LRP1B: variants seen among roughly 807,000 people sequenced by gnomAD.
The protein encoded by LRP1B is LDL receptor related protein 1B.
In LRP1B, 217 loss-of-function variants were observed where a neutral mutation model predicts 556.6. The observed-to-expected ratio is 0.39, with a 90% CI of 0.35 to 0.44. LRP1B has a LOEUF of 0.44. Ranked by LOEUF, LRP1B falls within the 20% of genes least tolerant of loss-of-function variation. The probability of loss-of-function intolerance (pLI) is 1.00; values close to 1 mark genes in which losing one functional copy is unlikely to be tolerated. For synonymous variants in LRP1B, 2,047 were observed against 1,865.8 expected (o/e 1.10, Z -2.50); for missense variants, 5,053 against 5,620.8 (o/e 0.90, Z 3.23).
intron 82 of LRP1B, among the ~76,000 whole-genome samples, chr2:140,318,136 G>A (rs929838759): frequency 6.6e-6 from 1 of 151,854 alleles, no homozygotes; most frequent in Non-Finnish European, 1.5e-5. Context: ...TAATTATAAA[G>A]AAATGAAAAG....
chr2:141,435,664 G>A (rs1680737523), intron 3 of LRP1B, among the ~76,000 whole-genome samples: 1 of 152,194 alleles, frequency 6.6e-6, no homozygotes, highest in African/African-American at 2.4e-5. Context: ...TGGATACAGG[G>A]TGGGTAGCTT....
intron 32 of LRP1B, among the ~76,000 whole-genome samples, chr2:140,791,655 T>C (rs1690124541): frequency 6.6e-6 from 1 of 152,180 alleles, no homozygotes; most frequent in Non-Finnish European, 1.5e-5. Flanking sequence ...CTTCTAGCCA[T>C]TTCCAAAGGG....
chr2:141,058,998 A>G lies in LRP1B; in HGVS notation c.1293T>C (p.Ser431=). ...TTATCCTTACGATATTGTAGTTATC[A>G]GAATTGGTTGCATACAAATAATCTT... The part of the protein sequence containing the change: ...VFEDYLYATN[S]DNYNIVRINR... The change falls in exon 9 of 91, where the codon TCT becomes TCC. Residue 431 remains serine (S), a synonymous_variant. Transcript: ENST00000389484. 1 of 1,592,934 alleles carries G rather than the reference A, an allele frequency of 6.3e-7. No homozygotes were observed. Among genetic ancestry groups the G allele is most frequent in the Non-Finnish European group, 8.6e-7 (1 of 1,168,444 alleles).
chr2:140,460,090 A>C (rs947316179), intron 60 of LRP1B, among the ~76,000 whole-genome samples: 1 of 152,154 alleles, frequency 6.6e-6, no homozygotes, highest in Non-Finnish European at 1.5e-5. Context: ...CATTTTGCAG[A>C]TGAGGAAACT....
chr2:141,902,055 A>G lies in LRP1B; in HGVS notation c.83-91654T>C, dbSNP rs181840460. On this transcript the variant is annotated intron_variant, in intron 1 of 90. Coordinates refer to ENST00000389484, the MANE Select transcript of LRP1B (RefSeq NM_018557.3). ...TTATTTTTAGTGATAATCATGAAAA[A>G]AGAAATAACAAAAAATTATAGTTAA... 5.8e-3 allele frequency among the ~76,000 whole-genome samples: 406 copies of G among 70,300 alleles called. 1 individual carries two copies. The highest frequency in any genetic ancestry group is 0.01 in the Middle Eastern group (1 of 98). The allele number at this position is 70,300 out of a possible 152,430, so 46.1% of individuals were successfully genotyped here.
intron 1 of LRP1B, among the ~76,000 whole-genome samples, chr2:142,055,039 C>A (rs1309468154): frequency 6.6e-6 from 1 of 152,034 alleles, no homozygotes. Context: ...CCGTCTTTGC[C>A]TCACCAAATA....
At chr2:140,791,121 G>C (rs12691573) in intron 32 of LRP1B, among the ~76,000 whole-genome samples, 39,227 of 151,754 alleles carry the variant, frequency 0.26, 5,375 homozygotes, top group South Asian at 0.33. Context: ...TGGCATAGTG[G>C]TGCACGCCTG....
chr2:141,402,877 A>AT (rs1690497467), intron 3 of LRP1B, among the ~76,000 whole-genome samples: 2 of 152,064 alleles, frequency 1.3e-5, no homozygotes. Flanking sequence ...GAAAAGATGA[A>AT]TTTTTATGAC....
intron 59 of LRP1B, among the ~76,000 whole-genome samples, chr2:140,477,580 A>C (rs570698580): frequency 3.3e-5 from 5 of 152,262 alleles, no homozygotes; most frequent in Non-Finnish European, 4.4e-5. Context: ...AAAAGCATTG[A>C]AAATTATTAG....
chr2:141,124,407 C>T (rs892207863), intron 7 of LRP1B, among the ~76,000 whole-genome samples: 6 of 152,052 alleles, frequency 3.9e-5, no homozygotes, highest in African/African-American at 1.2e-4. Flanking sequence ...TATGTTCTTG[C>T]TCTTTCATTT....
At chr2:142,062,134 C>T (rs1363280625) in intron 1 of LRP1B, among the ~76,000 whole-genome samples, 1 of 151,940 alleles carries the variant, frequency 6.6e-6, no homozygotes, top group Non-Finnish European at 1.5e-5. Context: ...ACCTTGGGCA[C>T]ACTTCAATGC....
intron 41 of LRP1B, among the ~76,000 whole-genome samples, chr2:140,673,068 T>A (rs929368194): frequency 2.6e-5 from 4 of 152,182 alleles, no homozygotes; most frequent in African/African-American, 9.6e-5. Context: ...GATTGAGAAT[T>A]TCCCAAATAA....
At chr2:140,541,676 A>G (rs1297608961) in intron 44 of LRP1B, 103 bp downstream of exon 44, 2 of 948,642 alleles carry the variant, frequency 2.1e-6, no homozygotes, top group African/African-American at 1.7e-5. Flanking sequence ...AATATTTTTT[A>G]AAAGAAAAAG....
At chr2:141,212,803 A>G (rs1682623814) in intron 6 of LRP1B, among the ~76,000 whole-genome samples, 1 of 152,188 alleles carries the variant, frequency 6.6e-6, no homozygotes, top group African/African-American at 2.4e-5. Flanking sequence ...TCATCATTTA[A>G]TGTAATTGAT....
intron 43 of LRP1B, among the ~76,000 whole-genome samples, chr2:140,598,106 T>C (rs1210159574): frequency 3.3e-5 from 5 of 152,152 alleles, no homozygotes; most frequent in Non-Finnish European, 5.9e-5. Flanking sequence ...TCTCAAGGGA[T>C]AGCATAGCAA....
At chr2:141,283,933 CTTT>C (rs906646248) in intron 3 of LRP1B, among the ~76,000 whole-genome samples, 2 of 151,984 alleles carry the variant, frequency 1.3e-5, no homozygotes, top group Admixed American at 6.6e-5. Context: ...ATTATCTGAG[CTTT>C]TGCTGTTTGC....
At chr2:142,050,908 CAAAT>C (rs1270850208) in intron 1 of LRP1B, among the ~76,000 whole-genome samples, 4 of 151,764 alleles carry the variant, frequency 2.6e-5, no homozygotes, top group African/African-American at 9.7e-5. Context: ...GTCTACCAGA[CAAAT>C]AAATATGTGA....
intron 20 of LRP1B, among the ~76,000 whole-genome samples, chr2:140,931,362 A>C (rs1695044224): frequency 6.6e-6 from 1 of 152,072 alleles, no homozygotes; most frequent in Non-Finnish European, 1.5e-5. Flanking sequence ...CTTTAATTTC[A>C]ACAAACTCCT....
At chr2:141,065,397 T>C (rs1574037385) in intron 7 of LRP1B, among the ~76,000 whole-genome samples, 1 of 151,980 alleles carries the variant, frequency 6.6e-6, no homozygotes, top group East Asian at 1.9e-4. Flanking sequence ...TTTTGACAGA[T>C]AATGTTCTTT....
Sources: allele counts gnomAD v4.1 joint callset (sites outside exome capture counted in the v4.1 genomes callset), GRCh38; gene constraint gnomAD v4.1.1; transcripts MANE v1.5; gene names NCBI Gene and HGNC (gene_info 2026-07-23, HGNC 2026-07-21).